The following ITGA9 variants were observed in gnomAD, a reference collection of about 807,000 sequenced individuals.
ITGA9 encodes the protein integrin alpha-9.
Under a neutral mutation model 127.8 loss-of-function variants are expected in ITGA9, and 56 were observed. The ratio of observed to expected loss-of-function variants is 0.44; its 90% CI spans 0.35 to 0.55. The LOEUF is 0.55. Ranked by LOEUF, ITGA9 falls within the 20% of genes least tolerant of loss-of-function variation. ITGA9 has a pLI of 0.00. For missense variants in ITGA9, 1,196 were observed against 1,347.1 expected, an observed-to-expected ratio of 0.89 and a Z score of 1.76; for synonymous variants, 508 against 514.5, an observed-to-expected ratio of 0.99 and a Z score of 0.17.
At chr3:37,810,581 A>G (rs1697355177) in intron 27 of ITGA9, among the ~76,000 whole-genome samples, 3 of 151,554 alleles carry the variant, frequency 2.0e-5, no homozygotes. Flanking sequence ...ATGCCTGGCT[A>G]ATTTTTGTAT....
chr3:37,649,033 C>T (rs1700404716), intron 16 of ITGA9, among the ~76,000 whole-genome samples: 2 of 148,388 alleles, frequency 1.3e-5, no homozygotes, highest in Non-Finnish European at 3.0e-5. Context: ...CAAATTATTT[C>T]GTGTAAGCTC....
At chr3:37,618,980 G>T (rs574262055) in intron 15 of ITGA9, among the ~76,000 whole-genome samples, 8 of 152,126 alleles carry the variant, frequency 5.3e-5, no homozygotes, top group African/African-American at 1.9e-4. Context: ...TGCACCCACT[G>T]TCTGACACTC....
intron 23 of ITGA9, 137 bp from the exon 24 acceptor site, chr3:37,777,255 A>G: frequency 1.0e-6 from 1 of 965,560 alleles, no homozygotes; most frequent in Non-Finnish European, 1.6e-6. Flanking sequence ...CTTTTCAGCC[A>G]TTGTTCTCCA....
rs1225941913 is a variant in ITGA9 at position 37,597,756 on chromosome 3, G to A, written c.1690-31431G>A. Among the ~76,000 whole-genome samples, 1 of 152,240 alleles carries A rather than the reference G, an allele frequency of 6.6e-6. No homozygotes were observed. Among genetic ancestry groups the A allele is most frequent in the East Asian group, 1.9e-4 (1 of 5,200 alleles). Reference sequence around the variant, plus strand: ...ATACAATACAAAGCATATAGTTTGTGCAGCTGGGATTAGCAGTGGCTTGGC... The same window carrying A: ...ATACAATACAAAGCATATAGTTTGTACAGCTGGGATTAGCAGTGGCTTGGC... On this transcript the variant is annotated intron_variant, in intron 15 of 27. Transcript: ENST00000264741. This position sits in a 1 kb window ranked among gnomAD's most constrained non-coding sequence, Gnocchi z 4.6.
intron 23 of ITGA9, among the ~76,000 whole-genome samples, chr3:37,760,626 G>A (rs949861582): frequency 6.6e-6 from 1 of 152,030 alleles, no homozygotes; most frequent in Admixed American, 6.5e-5. Flanking sequence ...CTATCCATTT[G>A]GGAAGACATT....
intron 15 of ITGA9, among the ~76,000 whole-genome samples, chr3:37,551,922 A>G (rs1368524415): frequency 1.3e-4 from 20 of 152,228 alleles, no homozygotes; most frequent in Admixed American, 1.2e-3. Flanking sequence ...CAGCCACACT[A>G]TGTTTTCGTG....
At chr3:37,749,847 G>T (rs1696558788) in intron 22 of ITGA9, among the ~76,000 whole-genome samples, 1 of 152,274 alleles carries the variant, frequency 6.6e-6, no homozygotes, top group Non-Finnish European at 1.5e-5. Flanking sequence ...GCTTGGTTTT[G>T]GGATGACCCA....
intron 17 of ITGA9, among the ~76,000 whole-genome samples, chr3:37,681,357 G>C (rs901266358): frequency 6.6e-6 from 1 of 152,202 alleles, no homozygotes; most frequent in African/African-American, 2.4e-5. Flanking sequence ...TACTTCAGAT[G>C]ATCCCTGGTG....
intron 17 of ITGA9, among the ~76,000 whole-genome samples, chr3:37,677,002 C>T (rs1230197700): frequency 6.6e-6 from 1 of 152,212 alleles, no homozygotes; most frequent in Admixed American, 6.5e-5. Context: ...CAATTGCTAC[C>T]TGTCTCTGGA....
rs536542752 is a variant in ITGA9 at position 37,728,163 on chromosome 3, T to C, written c.2068-4549T>C. On this transcript the variant is annotated intron_variant, in intron 18 of 27. Coordinates refer to ENST00000264741, the MANE Select transcript of ITGA9 (RefSeq NM_002207.3). Reference sequence around the variant, plus strand: ...TAAGTTCTCTAAGTTAAAGCCAGTGTAGGCAATGATTGGAACTTGGAAGCA... The same window carrying C: ...TAAGTTCTCTAAGTTAAAGCCAGTGCAGGCAATGATTGGAACTTGGAAGCA... Among the ~76,000 whole-genome samples, 8 of 152,308 alleles carry C rather than the reference T, an allele frequency of 5.3e-5. No homozygotes were observed. In the South Asian group the frequency reaches 1.0e-3, roughly 20 times the overall value.
rs1700157254 is a variant in ITGA9 at position 37,624,398 on chromosome 3, C to T, written c.1690-4789C>T. 2.6e-5 allele frequency among the ~76,000 whole-genome samples: 4 copies of T among 151,844 alleles called. No individual in the cohort carries two copies. The South Asian group carries it at 8.4e-4, about 32-fold the overall frequency. ...CCTTTGGCTGGGCAGATGAGGTCCC[C>T]TCTTCTCCATCTCTGCTGCTGGGTC... On this transcript the variant is annotated intron_variant, in intron 15 of 27. Transcript: ENST00000264741.
rs549090577 is a variant in ITGA9, at chr3:37,799,884, G to C, written c.2890-3939G>C. On this transcript the variant is annotated intron_variant, in intron 26 of 27. Transcript: ENST00000264741. The surrounding 1 kb of genome is among the most constrained non-coding windows in gnomAD (Gnocchi z 4.0). ...CGGGACCTGATCATCAGTGCTTCTT[G>C]CCTCTCCATGTCGTCCATGCTGCTG... Among the ~76,000 whole-genome samples the C allele has an allele frequency of 9.2e-5, 14 of 152,232 alleles. No individual in the cohort carries two copies. The highest frequency in any genetic ancestry group is 3.3e-4 in the Admixed American group (5 of 15,294).
chr3:37,646,571 A>G (rs1700378711), intron 16 of ITGA9, among the ~76,000 whole-genome samples: 1 of 152,206 alleles, frequency 6.6e-6, no homozygotes, highest in South Asian at 2.1e-4. Context: ...ACCTCCTTTA[A>G]CTAGGGAGGA....
At chr3:37,496,435 A>G (rs1053102453) in intron 5 of ITGA9, among the ~76,000 whole-genome samples, 2 of 152,124 alleles carry the variant, frequency 1.3e-5, no homozygotes, top group Non-Finnish European at 2.9e-5. Flanking sequence ...TGCAAGTCCC[A>G]CCACCTCCTA....
intron 15 of ITGA9, among the ~76,000 whole-genome samples, chr3:37,565,222 T>C (rs752726558): frequency 1.2e-4 from 18 of 152,190 alleles, no homozygotes; most frequent in Middle Eastern, 3.2e-3. Context: ...ACTTTATGCT[T>C]CTTGTGGGTC....
chr3:37,721,299 T>C (rs757778377), intron 18 of ITGA9, among the ~76,000 whole-genome samples: 49 of 152,092 alleles, frequency 3.2e-4, no homozygotes, highest in Non-Finnish European at 3.4e-4. Flanking sequence ...TTATTTTTGT[T>C]GAGACAGGGT....
chr3:37,742,212 A>G (rs1479273373), intron 21 of ITGA9, among the ~76,000 whole-genome samples: 1 of 152,192 alleles, frequency 6.6e-6, no homozygotes, highest in Non-Finnish European at 1.5e-5. Context: ...GCCAGAGATT[A>G]TCACCAGATG....
At chr3:37,463,849 A>G (rs1417174746) in intron 1 of ITGA9, among the ~76,000 whole-genome samples, 2 of 152,350 alleles carry the variant, frequency 1.3e-5, no homozygotes, top group South Asian at 2.1e-4. Context: ...ACAAGGTTCT[A>G]TTAACCTAAA....
At chr3:37,522,912 C>G (rs1311424129) in intron 11 of ITGA9, among the ~76,000 whole-genome samples, 1 of 152,044 alleles carries the variant, frequency 6.6e-6, no homozygotes, top group Non-Finnish European at 1.5e-5. Flanking sequence ...TGTTCAGGAC[C>G]ATGGAGTTCT....
Sources: allele counts gnomAD v4.1 joint callset (sites outside exome capture counted in the v4.1 genomes callset), GRCh38; gene constraint gnomAD v4.1.1; non-coding constraint Gnocchi (gnomAD v3.1); transcripts MANE v1.5; gene names NCBI Gene and HGNC (gene_info 2026-07-23, HGNC 2026-07-21).